The following RFX3 variants were observed in gnomAD, a reference collection of about 807,000 sequenced individuals.
The protein encoded by RFX3 is regulatory factor X3.
Under a neutral mutation model 98.6 loss-of-function variants are expected in RFX3, and 14 were observed. The observed-to-expected ratio is 0.14, with a 90% CI of 0.09 to 0.22. The LOEUF (loss-of-function observed/expected upper bound fraction) is 0.22. Among genes scored for constraint, RFX3 ranks in the 10% least tolerant of loss-of-function variants. The pLI, the probability that RFX3 is intolerant of heterozygous loss-of-function variation, is 1.00. For synonymous variants in RFX3, 383 were observed against 328.4 expected (o/e 1.17, Z -1.80); for missense variants, 639 against 926.9 (o/e 0.69, Z 4.03).
chr9:3,482,600 C>T (rs1849872230), intron 1 of RFX3, among the ~76,000 whole-genome samples: 1 of 152,036 alleles, frequency 6.6e-6, no homozygotes, highest in African/African-American at 2.4e-5. Flanking sequence ...TAAAATATTG[C>T]CCAAAAAGCA....
intron 15 of RFX3, among the ~76,000 whole-genome samples, chr9:3,241,696 A>G (rs568936063): frequency 1.3e-5 from 2 of 152,314 alleles, no homozygotes; most frequent in Non-Finnish European, 2.9e-5. Context: ...AAACCAAACT[A>G]CGACTTCTTT....
At chr9:3,325,357 T>C (rs1053655310) in intron 4 of RFX3, among the ~76,000 whole-genome samples, 2 of 152,082 alleles carry the variant, frequency 1.3e-5, no homozygotes, top group Non-Finnish European at 2.9e-5. Flanking sequence ...TTTACTTATA[T>C]AGCAGCAGAT....
At chr9:3,473,507 A>G (rs1206927262) in intron 1 of RFX3, among the ~76,000 whole-genome samples, 6 of 152,222 alleles carry the variant, frequency 3.9e-5, no homozygotes, top group South Asian at 4.1e-4. Context: ...ATAAGCCTAC[A>G]TAGAATAATA....
At chr9:3,509,065 A>G (rs888034026) in intron 1 of RFX3, among the ~76,000 whole-genome samples, 1 of 151,936 alleles carries the variant, frequency 6.6e-6, no homozygotes, top group African/African-American at 2.4e-5. Context: ...ATACTATTAA[A>G]AAGTAAACAA....
chr9:3,355,040 T>G (rs77224933), intron 2 of RFX3, among the ~76,000 whole-genome samples: 12,056 of 151,826 alleles, frequency 0.079, 623 homozygotes, highest in South Asian at 0.2. Flanking sequence ...AATTATTGGT[T>G]GAACACAGAC....
At chr9:3,308,739 A>C (rs2130366390) in intron 4 of RFX3, among the ~76,000 whole-genome samples, 1 of 152,280 alleles carries the variant, frequency 6.6e-6, no homozygotes, top group East Asian at 1.9e-4. Context: ...ATTTCATCAG[A>C]GAGTAGAGAT....
At position 3,454,278 on chromosome 9, in the gene RFX3, A is replaced by G. The variant is rs116045073; in HGVS notation, c.-8-58682T>C. ...TGCATAGCTTCCCACAAACACATAC[A>G]TATACACAGGCAACACTCGAGAGAA... On this transcript the variant is annotated intron_variant, in intron 1 of 16. Coordinates refer to ENST00000617270, the MANE Select transcript of RFX3 (RefSeq NM_001282116.2). 4.2e-3 allele frequency among the ~76,000 whole-genome samples: 641 copies of G among 152,326 alleles called. 1 individual carries two copies. The highest frequency in any genetic ancestry group is 0.015 in the African/African-American group (607 of 41,572).
intron 3 of RFX3, among the ~76,000 whole-genome samples, chr9:3,344,035 G>C (rs1834171482): frequency 6.6e-6 from 1 of 152,152 alleles, no homozygotes; most frequent in African/African-American, 2.4e-5. Flanking sequence ...TTTTATGAAT[G>C]AATGAATTCA....
chr9:3,228,363 A>G (rs1052470759), intron 16 of RFX3, among the ~76,000 whole-genome samples: 1 of 152,180 alleles, frequency 6.6e-6, no homozygotes, highest in African/African-American at 2.4e-5. Flanking sequence ...AGAAGTACAT[A>G]TGTTACCTTT....
chr9:3,498,881 T>C (rs1448459228), intron 1 of RFX3, among the ~76,000 whole-genome samples: 1 of 152,098 alleles, frequency 6.6e-6, no homozygotes, highest in Admixed American at 6.6e-5. Flanking sequence ...TAAAAGGGTA[T>C]GCTGTGCTTT....
At chr9:3,257,741 T>G (rs1022650325) in intron 13 of RFX3, among the ~76,000 whole-genome samples, 4 of 152,158 alleles carry the variant, frequency 2.6e-5, no homozygotes, top group African/African-American at 9.7e-5. Flanking sequence ...TGCTGTGAGT[T>G]ATATGGATTG....
intron 15 of RFX3, among the ~76,000 whole-genome samples, chr9:3,236,664 G>A (rs1228888887): frequency 6.6e-6 from 1 of 152,152 alleles, no homozygotes; most frequent in African/African-American, 2.4e-5. Flanking sequence ...CACAGGCAGT[G>A]GACACAGCAG....
chr9:3,435,798 A>G (rs1845070388), intron 1 of RFX3, among the ~76,000 whole-genome samples: 1 of 131,184 alleles, frequency 7.6e-6, no homozygotes, highest in African/African-American at 3.2e-5. Flanking sequence ...AAGCATCTGC[A>G]TTGTAAAAAA....
intron 1 of RFX3, among the ~76,000 whole-genome samples, chr9:3,476,375 CAA>C (rs1265417524): frequency 1.3e-5 from 2 of 151,862 alleles, no homozygotes; most frequent in Admixed American, 6.6e-5. Flanking sequence ...TATTAAGTGC[CAA>C]GAGAGGATCA....
chr9:3,481,594 A>C (rs1483912328), intron 1 of RFX3, among the ~76,000 whole-genome samples: 1 of 152,028 alleles, frequency 6.6e-6, no homozygotes, highest in Non-Finnish European at 1.5e-5. Context: ...AAAAAATTAC[A>C]TACAAAAATC....
At chr9:3,351,973 T>C (rs142227578) in intron 2 of RFX3, among the ~76,000 whole-genome samples, 1 of 151,818 alleles carries the variant, frequency 6.6e-6, no homozygotes, top group East Asian at 1.9e-4. Context: ...TACAAAAAAA[T>C]TTCAAAAAAT....
intron 2 of RFX3, among the ~76,000 whole-genome samples, chr9:3,355,792 C>G (rs148950366): frequency 8.6e-5 from 13 of 151,946 alleles, no homozygotes; most frequent in Non-Finnish European, 1.3e-4. Context: ...AGGAATAAAA[C>G]AAGTCCCAAC....
At chr9:3,431,077 T>C (rs760325073) in intron 1 of RFX3, among the ~76,000 whole-genome samples, 1 of 152,216 alleles carries the variant, frequency 6.6e-6, no homozygotes, top group African/African-American at 2.4e-5. Flanking sequence ...ACTGTGCAAC[T>C]GTAATAATTT....
intron 1 of RFX3, among the ~76,000 whole-genome samples, chr9:3,508,658 CAAG>C (rs1386428690): frequency 2.6e-5 from 4 of 151,926 alleles, no homozygotes; most frequent in African/African-American, 7.2e-5. Context: ...AACAGTTTTA[CAAG>C]AAGGTTTATC....
Sources: gnomAD v4.1 joint callset for allele counts (sites outside exome capture counted in the v4.1 genomes callset) on GRCh38, gnomAD v4.1.1 for gene constraint, MANE v1.5 for transcripts, NCBI Gene and HGNC (gene_info 2026-07-23, HGNC 2026-07-21) for gene names.